Variants in ARHGAP15 observed in about 807,000 individuals in gnomAD.
The protein encoded by ARHGAP15 is rho GTPase-activating protein 15.
A neutral mutation model predicts 63.7 loss-of-function variants in ARHGAP15; 51 were observed. The observed-to-expected ratio is 0.80, with a 90% confidence interval of 0.64 to 1.01. ARHGAP15 has a LOEUF of 1.01. Ranked by LOEUF, ARHGAP15 falls within the 50% of genes least tolerant of loss-of-function variation. The pLI is 0.00. For synonymous variants in ARHGAP15, 191 were observed against 193.8 expected, an observed-to-expected ratio of 0.99 and a Z score of 0.12; for missense variants, 560 against 564.6, an observed-to-expected ratio of 0.99 and a Z score of 0.08.
chr2:143,476,309 C>T (rs960169461), intron 8 of ARHGAP15, among the ~76,000 whole-genome samples: 3 of 152,038 alleles, frequency 2.0e-5, no homozygotes, highest in Non-Finnish European at 4.4e-5. Flanking sequence ...GGAATTCTTC[C>T]TACTCATGGG....
intron 12 of ARHGAP15, among the ~76,000 whole-genome samples, chr2:143,681,516 T>A (rs1034490002): frequency 2.0e-5 from 3 of 152,180 alleles, no homozygotes; most frequent in African/African-American, 7.2e-5. Flanking sequence ...AATGCTTCTG[T>A]TTTATTAAAA....
At chr2:143,651,947 C>T (rs1681187172) in intron 12 of ARHGAP15, among the ~76,000 whole-genome samples, 1 of 151,824 alleles carries the variant, frequency 6.6e-6, no homozygotes, top group East Asian at 1.9e-4. Flanking sequence ...TTATTTTTGT[C>T]TTCTGGATAC....
At chr2:143,412,025 A>G (rs761631412) in intron 6 of ARHGAP15, among the ~76,000 whole-genome samples, 3 of 152,172 alleles carry the variant, frequency 2.0e-5, no homozygotes, top group Non-Finnish European at 4.4e-5. Context: ...ATGATAGGCA[A>G]ATGGTCAGGT....
chr2:143,240,205 AAAAT>A (rs1218634517), intron 5 of ARHGAP15, among the ~76,000 whole-genome samples: 4 of 151,590 alleles, frequency 2.6e-5, no homozygotes, highest in African/African-American at 4.8e-5. Flanking sequence ...AAAATAAAAT[AAAAT>A]AAATAATAAT....
intron 6 of ARHGAP15, among the ~76,000 whole-genome samples, chr2:143,415,815 G>A (rs1034524735): frequency 6.6e-6 from 1 of 152,060 alleles, no homozygotes; most frequent in Non-Finnish European, 1.5e-5. Flanking sequence ...TGAATTAATG[G>A]CATTTGCAGC....
At chr2:143,383,775 A>G (rs1277152242) in intron 6 of ARHGAP15, among the ~76,000 whole-genome samples, 1 of 152,166 alleles carries the variant, frequency 6.6e-6, no homozygotes, top group Non-Finnish European at 1.5e-5. Context: ...ACATAGACCT[A>G]GTCTTATATA....
At chr2:143,280,883 A>G (rs1441170919) in intron 6 of ARHGAP15, among the ~76,000 whole-genome samples, 1 of 152,178 alleles carries the variant, frequency 6.6e-6, no homozygotes, top group Non-Finnish European at 1.5e-5. Context: ...GAAAGTATCT[A>G]TAGTTTTAGA....
chr2:143,727,661 G>C (rs1029512345), intron 13 of ARHGAP15, among the ~76,000 whole-genome samples: 2 of 152,180 alleles, frequency 1.3e-5, no homozygotes, highest in African/African-American at 4.8e-5. Context: ...GAATGAACGG[G>C]GCTGTTCTCC....
chr2:143,675,282 C>G (rs1263167649), intron 12 of ARHGAP15, among the ~76,000 whole-genome samples: 1 of 152,156 alleles, frequency 6.6e-6, no homozygotes, highest in Non-Finnish European at 1.5e-5. Flanking sequence ...CAGTCACTTC[C>G]TCCACTGAAG....
rs370471625 is a variant in ARHGAP15, at chr2:143,662,225, G to A, written c.1138+37958G>A. On this transcript the variant is annotated intron_variant, in intron 12 of 13. Transcript: ENST00000295095. ...AGCATGCAGCTGGAGATCTGAGAAC[G>A]GGCAGACTGCCTCCTCAAGTGGGTC... is the stretch of plus-strand genomic sequence containing the variant. Among the ~76,000 whole-genome samples, 846 of 151,974 alleles carry A rather than the reference G, an allele frequency of 5.6e-3. 11 individuals are homozygous for A. The highest frequency in any genetic ancestry group is 0.018 in the African/African-American group (747 of 41,466).
chr2:143,514,363 T>C (rs1175120170), intron 9 of ARHGAP15, among the ~76,000 whole-genome samples: 4 of 152,296 alleles, frequency 2.6e-5, no homozygotes, highest in Non-Finnish European at 4.4e-5. Flanking sequence ...GCCATAAAAT[T>C]TGGTAAGGCA....
intron 12 of ARHGAP15, among the ~76,000 whole-genome samples, chr2:143,675,316 T>A (rs2105358572): frequency 6.6e-6 from 1 of 152,294 alleles, no homozygotes; most frequent in East Asian, 1.9e-4. Context: ...AAGTCATCCA[T>A]GAGAATTGGA....
At chr2:143,730,489 A>G (rs1306572765) in intron 13 of ARHGAP15, among the ~76,000 whole-genome samples, 2 of 152,206 alleles carry the variant, frequency 1.3e-5, no homozygotes, top group Admixed American at 6.5e-5. Flanking sequence ...TAAGCCCCTT[A>G]TAAGAAGGAT....
intron 8 of ARHGAP15, among the ~76,000 whole-genome samples, chr2:143,459,624 AAT>A (rs1690830281): frequency 2.6e-5 from 4 of 152,176 alleles, no homozygotes; most frequent in Admixed American, 2.6e-4. Flanking sequence ...AAGCCTTAGA[AAT>A]ATGTGTACTC....
intron 10 of ARHGAP15, among the ~76,000 whole-genome samples, chr2:143,532,082 A>G (rs1344801216): frequency 6.6e-6 from 1 of 152,250 alleles, no homozygotes; most frequent in Non-Finnish European, 1.5e-5. Flanking sequence ...AGGTCACCAA[A>G]GATGGCATCA....
At chr2:143,319,151 T>C (rs1485117329) in intron 6 of ARHGAP15, among the ~76,000 whole-genome samples, 1 of 152,084 alleles carries the variant, frequency 6.6e-6, no homozygotes, top group Non-Finnish European at 1.5e-5. Context: ...GCTCTTAGAT[T>C]GATAGCTCCA....
At chr2:143,600,313 T>C (rs1378425919) in intron 11 of ARHGAP15, among the ~76,000 whole-genome samples, 1 of 152,188 alleles carries the variant, frequency 6.6e-6, no homozygotes, top group Non-Finnish European at 1.5e-5. Flanking sequence ...CCATCTTCAA[T>C]AGTTCCTATT....
At chr2:143,682,207 A>G (rs1683129587) in intron 12 of ARHGAP15, among the ~76,000 whole-genome samples, 1 of 152,228 alleles carries the variant, frequency 6.6e-6, no homozygotes, top group Admixed American at 6.5e-5. Flanking sequence ...CCTAGTTTGC[A>G]TAAAACTAAT....
intron 6 of ARHGAP15, among the ~76,000 whole-genome samples, chr2:143,387,960 A>G (rs1023244104): frequency 2.6e-5 from 4 of 151,978 alleles, no homozygotes; most frequent in Non-Finnish European, 5.9e-5. Flanking sequence ...CAAGCAAATG[A>G]TATTTAGAAG....
Sources: gnomAD v4.1 joint callset for allele counts (sites outside exome capture counted in the v4.1 genomes callset) on GRCh38, gnomAD v4.1.1 for gene constraint, MANE v1.5 for transcripts, NCBI Gene and HGNC (gene_info 2026-07-23, HGNC 2026-07-21) for gene names.